Variants in DEAF1 observed in about 807,000 individuals in gnomAD.
The protein encoded by DEAF1 is deformed epidermal autoregulatory factor 1 homolog.
Under a neutral mutation model 58.9 loss-of-function variants are expected in DEAF1, and 53 were observed. The ratio of observed to expected loss-of-function variants is 0.90; its 90% CI spans 0.72 to 1.13. The LOEUF is 1.13. DEAF1 is among the 50% of genes most tolerant of loss of function. The probability of loss-of-function intolerance (pLI) is 0.00; values close to 1 mark genes in which losing one functional copy is unlikely to be tolerated. For synonymous variants in DEAF1, 385 were observed against 340.4 expected, an observed-to-expected ratio of 1.13 and a Z score of -1.44; for missense variants, 685 against 791.4, an observed-to-expected ratio of 0.87 and a Z score of 1.61.
rs545264020 is a variant in DEAF1 at position 650,499 on chromosome 11, ATGTT to A, written c.1593+3459_1593+3462del. Among the ~76,000 whole-genome samples, 506 of 151,908 alleles carry A rather than the reference ATGTT, an allele frequency of 3.3e-3. 2 individuals carry two copies. Among genetic ancestry groups the A allele is most frequent in the Middle Eastern group, 0.014 (4 of 292 alleles). Reference sequence around the variant, plus strand: ...AGGACACAAAATTAGAAGTAACAAGATGTTTGTTTATTTATATGTTTATTTAATT... The same window carrying A: ...AGGACACAAAATTAGAAGTAACAAGATGTTTATTTATATGTTTATTTAATT... On this transcript the variant is annotated intron_variant, in intron 11 of 11. Coordinates refer to ENST00000382409, the MANE Select transcript of DEAF1 (RefSeq NM_021008.4).
Position 650,968 on chromosome 11 carries a change from A to ATTT in DEAF1, c.1593+2991_1593+2993dup, listed in dbSNP as rs568964930. ...GTCTATGCTACTATCAGAAAAGGTA[A>ATTT]TTTTTTTTTTTTGAGATGGAGTCTC... On this transcript the variant is annotated intron_variant, in intron 11 of 11. Transcript: ENST00000382409. 6.8e-5 allele frequency among the ~76,000 whole-genome samples: 10 copies of ATTT among 147,408 alleles called. No homozygotes were observed. In the South Asian group the frequency reaches 1.9e-3, roughly 29 times the overall value.
upstream of DEAF1, among the ~76,000 whole-genome samples, chr11:696,951 T>C (rs1350376912): frequency 7.0e-6 from 1 of 141,908 alleles, no homozygotes; most frequent in South Asian, 2.5e-4. Context: ...TGATGGTGCA[T>C]GCCTGTAATC....
Position 644,247 on chromosome 11 carries a change from TTTA to T in DEAF1, c.*300_*302del, listed in dbSNP as rs1858369753. The T allele has an allele frequency of 4.2e-6, 2 of 481,070 alleles. No homozygotes were observed. Among genetic ancestry groups the T allele is most frequent in the African/African-American group, 3.9e-5 (2 of 51,034 alleles). 29.8% of individuals were successfully genotyped at this position (481,070 alleles called of 1,614,324 possible). On this transcript the variant is annotated 3_prime_UTR_variant, in exon 12 of 12. Transcript: ENST00000382409. The surrounding 1 kb of genome is among the most constrained non-coding windows in gnomAD (Gnocchi z 4.3). Reference sequence around the variant, plus strand: ...TGGGGCAGGGAGACCTTATTTACACTTTATTGACAGACACAACACGTATGTATG... The same window carrying T: ...TGGGGCAGGGAGACCTTATTTACACTTTGACAGACACAACACGTATGTATG...
At chr11:656,170 T>TTTTG (rs1859047140) in intron 10 of DEAF1, among the ~76,000 whole-genome samples, 1 of 150,438 alleles carries the variant, frequency 6.6e-6, no homozygotes, top group African/African-American at 2.5e-5. Flanking sequence ...TTTTTTTTTT[T>TTTTG]TTTGAGATGG....
At chr11:648,203 T>G (rs1858588541) in intron 11 of DEAF1, among the ~76,000 whole-genome samples, 1 of 151,316 alleles carries the variant, frequency 6.6e-6, no homozygotes. Flanking sequence ...TGCCTTTTTT[T>G]TTTTTTTTTG....
intron 11 of DEAF1, among the ~76,000 whole-genome samples, chr11:646,986 TAAA>T (rs58523027): frequency 1.1e-4 from 17 of 148,624 alleles, no homozygotes; most frequent in Non-Finnish European, 1.6e-4. Flanking sequence ...CCTATCTCTA[TAAA>T]AAAAAAAAAA....
chr11:645,847 C>T (rs999789653), intron 11 of DEAF1, among the ~76,000 whole-genome samples: 4 of 152,170 alleles, frequency 2.6e-5, no homozygotes, highest in African/African-American at 4.8e-5. Flanking sequence ...GAGGCAGCTC[C>T]GTGCACGGGG....
chr11:649,326 G>T (rs1858651654), intron 11 of DEAF1, among the ~76,000 whole-genome samples: 1 of 152,102 alleles, frequency 6.6e-6, no homozygotes, highest in South Asian at 2.1e-4. Context: ...GGAGGCTGAA[G>T]GAGGAGTATT....
At position 695,212 on chromosome 11, in the gene DEAF1, G is replaced by T; in HGVS notation, c.-165C>A. The T allele has an allele frequency of 1.6e-6, 1 of 606,562 alleles. No homozygotes were observed. The highest frequency in any genetic ancestry group is 2.5e-6 in the Non-Finnish European group (1 of 407,446). The allele number at this position is 606,562 out of a possible 1,614,324, so 37.6% of individuals were successfully genotyped here. ...AGGCAGCCAGCCGCCGAGCAGAGCC[G>T]AGCCGAGTCCGCCCGCGGAGCGGAG... On this transcript the variant is annotated 5_prime_UTR_variant, in exon 1 of 12. Coordinates refer to ENST00000382409, the MANE Select transcript of DEAF1 (RefSeq NM_021008.4).
At chr11:702,245 G>A (rs1023612023) in intron 1 of DEAF1, among the ~76,000 whole-genome samples, 1 of 152,246 alleles carries the variant, frequency 6.6e-6, no homozygotes, top group Non-Finnish European at 1.5e-5. Flanking sequence ...TGTCTTGTCT[G>A]CACTTACGTC....
In DEAF1 at chr11:660,194, A is replaced by C. The variant is rs547552182; in HGVS notation, c.1504-6143T>G. Among the ~76,000 whole-genome samples, 148 of 152,356 alleles carry C rather than the reference A, an allele frequency of 9.7e-4. 2 individuals carry two copies. Among genetic ancestry groups the C allele is most frequent in the African/African-American group, 3.5e-3 (145 of 41,592 alleles). The stretch of plus-strand genomic sequence containing the variant: ...AATAAGAGAAAACCCTCAAAACATC[A>C]AGCAGGTTTATCTGAAAGCTGAGCC... On this transcript the variant is annotated intron_variant, in intron 10 of 11. Transcript: ENST00000382409.
rs1260963433 is a variant in DEAF1, at chr11:654,478, T to C, written c.1504-427A>G. Reference sequence around the variant, plus strand: ...CTGCGCCCAGCTCCCATTGGACTCTTGACTGCGCCTCTGCCCCAGTGCTGC... The same window carrying C: ...CTGCGCCCAGCTCCCATTGGACTCTCGACTGCGCCTCTGCCCCAGTGCTGC... On this transcript the variant is annotated intron_variant, in intron 10 of 11. Coordinates refer to ENST00000382409, the MANE Select transcript of DEAF1 (RefSeq NM_021008.4). 16 of 454,504 alleles carry C rather than the reference T, an allele frequency of 3.5e-5. No homozygotes were observed. In the Admixed American group the frequency reaches 3.8e-4, roughly 11 times the overall value. The allele number at this position is 454,504 out of a possible 1,614,324, so 28.2% of individuals were successfully genotyped here.
intron 10 of DEAF1, among the ~76,000 whole-genome samples, chr11:658,989 G>A (rs758900403): frequency 6.6e-6 from 1 of 152,202 alleles, no homozygotes; most frequent in Non-Finnish European, 1.5e-5. Context: ...CCAACCAAGA[G>A]TAAGACCATA....
rs1307423108 is a variant in DEAF1, at chr11:664,454, G to A, written c.1503+10082C>T. On this transcript the variant is annotated intron_variant, in intron 10 of 11. Transcript: ENST00000382409. ...AGGAGGAGGACAGGGCGTCACACTC[G>A]GTCACTCTGAGTCCTGGCTCAGCTA... 4.8e-5 allele frequency among the ~76,000 whole-genome samples: 7 copies of A among 146,788 alleles called. No homozygotes were observed. In the East Asian group the frequency reaches 8.1e-4, roughly 17 times the overall value.
Position 694,917 on chromosome 11 carries a change from C to T in DEAF1, c.131G>A (p.Arg44Lys). Reference sequence around the variant, plus strand: ...TGCGTCCTCCTCCGAGTCCTCGTCCCTGCTCAGCACCGGCTCCTCCGCCTC... The same window carrying T: ...TGCGTCCTCCTCCGAGTCCTCGTCCTTGCTCAGCACCGGCTCCTCCGCCTC... ...GGEAEEPVLSRDEDSEEDADS... is the reference protein window; with the variant it reads ...GGEAEEPVLSKDEDSEEDADS... The change falls in exon 1 of 12, where the codon AGG (arginine) becomes AAG (lysine). Residue 44 changes from arginine to lysine, a missense_variant. Arg to Lys is a conservative substitution (Grantham distance 26, BLOSUM62 2). This residue lies in a region of DEAF1 where 210 missense variants were observed against 177.3 expected (regional missense o/e 1.18). Coordinates refer to ENST00000382409, the MANE Select transcript of DEAF1 (RefSeq NM_021008.4). 1 of 1,421,088 alleles carries T rather than the reference C, an allele frequency of 7.0e-7. No homozygotes were observed. Among genetic ancestry groups the T allele is most frequent in the Non-Finnish European group, 9.2e-7 (1 of 1,084,528 alleles). The allele number at this position is 1,421,088 out of a possible 1,614,324, so 88.0% of individuals were successfully genotyped here.
chr11:670,001 G>T (rs1000501726), intron 10 of DEAF1, among the ~76,000 whole-genome samples: 1 of 150,306 alleles, frequency 6.7e-6, no homozygotes, highest in Non-Finnish European at 1.5e-5. Context: ...GCATGGTGGC[G>T]CAAGGCTGCA....
chr11:655,573 T>C (rs1341017233), intron 10 of DEAF1, among the ~76,000 whole-genome samples: 2 of 151,026 alleles, frequency 1.3e-5, no homozygotes, highest in Non-Finnish European at 3.0e-5. Flanking sequence ...AGTGGGTGAG[T>C]GGCAGCGTCT....
At chr11:679,369 T>C (rs1860234128) in intron 8 of DEAF1, among the ~76,000 whole-genome samples, 1 of 151,758 alleles carries the variant, frequency 6.6e-6, no homozygotes, top group South Asian at 2.1e-4. Flanking sequence ...GCTTCTAGAA[T>C]ATTCTCCAGC....
At chr11:654,267 C>A (rs1393031551) in intron 10 of DEAF1, among the ~76,000 whole-genome samples, 2 of 147,400 alleles carry the variant, frequency 1.4e-5, no homozygotes, top group Non-Finnish European at 3.0e-5. Context: ...CTCCTGGGTT[C>A]AAGCAATTCT....
Sources: allele counts gnomAD v4.1 joint callset (sites outside exome capture counted in the v4.1 genomes callset), GRCh38; gene constraint gnomAD v4.1.1; regional missense constraint gnomAD v4.1.1; non-coding constraint Gnocchi (gnomAD v3.1); transcripts MANE v1.5; gene names NCBI Gene and HGNC (gene_info 2026-07-23, HGNC 2026-07-21).